The following PA2G4 variants were observed in gnomAD, a reference collection of about 807,000 sequenced individuals.
The protein encoded by PA2G4 is proliferation-associated protein 2G4.
In PA2G4, 8 loss-of-function variants were observed where a neutral mutation model predicts 53.3. The observed-to-expected ratio is 0.15, with a 90% CI of 0.09 to 0.27. The LOEUF (loss-of-function observed/expected upper bound fraction) is 0.27, where lower values mean the gene tolerates loss of function less well. Ranked by LOEUF, PA2G4 falls within the 10% of genes least tolerant of loss-of-function variation. The pLI, the probability that PA2G4 is intolerant of heterozygous loss-of-function variation, is 1.00. For synonymous variants in PA2G4, 143 were observed against 169.8 expected, an observed-to-expected ratio of 0.84 and a Z score of 1.23; for missense variants, 208 against 486.8, an observed-to-expected ratio of 0.43 and a Z score of 5.39.
At position 56,109,892 on chromosome 12, in the gene PA2G4, G is replaced by A. The variant is rs1367589959; in HGVS notation, c.586G>A (p.Asp196Asn). Residue 196 changes from aspartate to asparagine, a missense_variant, in exon 7 of 13, where the codon GAT (aspartate) becomes AAT (asparagine). Asp to Asn is a conservative substitution (Grantham distance 23, BLOSUM62 1). Around this residue, in one of 3 missense-constraint regions of PA2G4, gnomAD observed 143 missense variants for 386.8 expected, o/e 0.37. Transcript: ENST00000303305. Reference sequence around the variant, plus strand: ...ACACCAGTTGAAGCAGCATGTCATCGATGGAGAAAAAACCATTATCCAGAA... The same window carrying A: ...ACACCAGTTGAAGCAGCATGTCATCAATGGAGAAAAAACCATTATCCAGAA... ...LSHQLKQHVI[D>N]GEKTIIQNPT... 1.9e-6 allele frequency: 3 copies of A among 1,613,792 alleles called. No individual in the cohort carries two copies. Among genetic ancestry groups the A allele is most frequent in the East Asian group, 2.2e-5 (1 of 44,898 alleles).
chr12:56,109,834 C>T (rs1869382148), intron 6 of PA2G4, 23 bp from the exon 7 acceptor site: 2 of 1,580,822 alleles, frequency 1.3e-6, no homozygotes, highest in South Asian at 2.2e-5. Flanking sequence ...TAGCTTGTTC[C>T]ATAGGTTGTG....
chr12:56,110,956 C>T lies in PA2G4; in HGVS notation c.843-8C>T. 6.2e-7 allele frequency: 1 copy of T among 1,611,104 alleles called. No homozygotes were observed. ...AAAGATACCTCTGAATATCATCTTC[C>T]CTGCCAGAGCATTTGAAGATGAGAA... On this transcript the variant is annotated splice_region_variant and splice_polypyrimidine_tract_variant and intron_variant, in intron 9 of 12. Transcript: ENST00000303305.
At chr12:56,111,939 A>G (rs1321894830) in intron 12 of PA2G4, among the ~76,000 whole-genome samples, 1 of 151,492 alleles carries the variant, frequency 6.6e-6, no homozygotes, top group Non-Finnish European at 1.5e-5. Flanking sequence ...ACAGAGAGAA[A>G]CCCCGTCTCT....
In PA2G4 at chr12:56,110,951, T is replaced by C. The variant is rs1222342813; in HGVS notation, c.843-13T>C. On this transcript the variant is annotated splice_polypyrimidine_tract_variant and intron_variant, in intron 9 of 12. Transcript: ENST00000303305. ...GAGTTAAAGATACCTCTGAATATCA[T>C]CTTCCCTGCCAGAGCATTTGAAGAT... The C allele has an allele frequency of 5.6e-6, 9 of 1,610,922 alleles. No homozygotes were observed. The Admixed American group carries it at 6.7e-5, about 12-fold the overall frequency.
intron 6 of PA2G4, 104 bp from the exon 7 acceptor site, chr12:56,109,753 G>A: frequency 1.3e-6 from 1 of 772,228 alleles, no homozygotes; most frequent in South Asian, 1.5e-5. Context: ...CCATAACCAG[G>A]TAGTTGTCTC....
At position 56,104,745 on chromosome 12, in the gene PA2G4, G is replaced by T. The variant is rs747250149; in HGVS notation, c.8G>T (p.Gly3Val). 1 of 1,613,874 alleles carries T rather than the reference G, an allele frequency of 6.2e-7. No individual in the cohort carries two copies. The highest frequency in any genetic ancestry group is 8.5e-7 in the Non-Finnish European group (1 of 1,179,962). Residue 3 changes from glycine (G) to valine (V), a missense_variant, in exon 1 of 13, where the codon GGC becomes GTC. Gly to Val is a moderately radical substitution (Grantham distance 109). Around this residue, in one of 3 missense-constraint regions of PA2G4, gnomAD observed 15 missense variants for 17.6 expected, o/e 0.85. Transcript: ENST00000303305. MS[G>V]EDEQQEQTIA... ...AGTGGTGGTAGTAGGAAGATGTCGG[G>T]CGAGGACGAGCAACAGGAGCAAACT...
At chr12:56,110,812 C>CT in intron 9 of PA2G4, 120 bp downstream of exon 9, 5 of 1,332,146 alleles carry the variant, frequency 3.8e-6, no homozygotes, top group Non-Finnish European at 5.3e-6. Context: ...CCCTCCCTCT[C>CT]TCTCCCCATC....
intron 3 of PA2G4, 28 bp from the exon 4 acceptor site, chr12:56,107,159 A>T: frequency 6.2e-7 from 1 of 1,606,396 alleles, no homozygotes; most frequent in Non-Finnish European, 8.5e-7. Flanking sequence ...GCCAGTTCCT[A>T]ATGCAGTACT....
At chr12:56,109,448 C>G (rs755797556) in intron 6 of PA2G4, among the ~76,000 whole-genome samples, 155 bp downstream of exon 6, 1 of 151,504 alleles carries the variant, frequency 6.6e-6, no homozygotes, top group Non-Finnish European at 1.5e-5. Context: ...GGTGAAACCC[C>G]GTCTCTACTA....
At chr12:56,104,929 A>AG in intron 1 of PA2G4, 104 bp downstream of exon 1, 1 of 1,046,460 alleles carries the variant, frequency 9.6e-7, no homozygotes, top group Non-Finnish European at 1.5e-6. Flanking sequence ...TGAGCTACTG[A>AG]GGGGCCCGCA....
intron 1 of PA2G4, among the ~76,000 whole-genome samples, chr12:56,105,346 C>T (rs1402771054): frequency 6.6e-6 from 1 of 152,158 alleles, no homozygotes; most frequent in Non-Finnish European, 1.5e-5. Flanking sequence ...CCACCAGCTT[C>T]CCCACCACGT....
Position 56,104,575 on chromosome 12 carries a change from G to A in PA2G4, c.-163G>A. 1.3e-6 allele frequency: 1 copy of A among 777,076 alleles called. No individual in the cohort carries two copies. The highest frequency in any genetic ancestry group is 2.3e-6 in the Non-Finnish European group (1 of 428,298). The allele number at this position is 777,076 out of a possible 1,614,324, so 48.1% of individuals were successfully genotyped here. A position where few individuals can be genotyped will look rare whatever the true frequency, so the allele number is the denominator to read the frequency against. ...CTGCGCCTCAGCCCGCGCGCTCGCA[G>A]CTTCTCGCTCTCGCCTGCCTGCCCG... On this transcript the variant is annotated 5_prime_UTR_variant, in exon 1 of 13. Transcript: ENST00000303305.
intron 4 of PA2G4, 80 bp from the exon 5 acceptor site, chr12:56,107,441 G>A (rs1305984437): frequency 6.3e-6 from 7 of 1,109,938 alleles, no homozygotes; most frequent in Non-Finnish European, 8.3e-6. Flanking sequence ...TTCGCATATG[G>A]GCTCACAGAT....
rs1487878096 is a variant in PA2G4 at position 56,113,307 on chromosome 12, CTGTT to C, written c.*422_*425del. 1 of 165,442 alleles carries C rather than the reference CTGTT, an allele frequency of 6.0e-6. No individual in the cohort carries two copies. The highest frequency in any genetic ancestry group is 2.4e-5 in the African/African-American group (1 of 41,786). The allele number at this position is 165,442 out of a possible 1,614,324, so 10.2% of individuals were successfully genotyped here. ...ACTCTGATGTCAGCATTTTTTCCATCTGTTTGGGGCTTTTTCCTCTTTTTTCCAT... is the reference window on the plus strand; with the variant it reads ...ACTCTGATGTCAGCATTTTTTCCATCTGGGGCTTTTTCCTCTTTTTTCCAT... On this transcript the variant is annotated 3_prime_UTR_variant, in exon 13 of 13. Transcript: ENST00000303305.
intron 9 of PA2G4, 103 bp downstream of exon 9, chr12:56,110,795 G>A: frequency 1.4e-6 from 2 of 1,425,702 alleles, no homozygotes; most frequent in South Asian, 2.4e-5. Flanking sequence ...GCGTGCATGT[G>A]CTCACTCCCT....
At position 56,104,770 on chromosome 12, in the gene PA2G4, T is replaced by C; in HGVS notation, c.33T>C (p.Thr11=). The change falls in exon 1 of 13, where the codon ACT becomes ACC. Residue 11 remains threonine, a synonymous_variant. Transcript: ENST00000303305. MSGEDEQQEQ[T]IAEDLVVTKY... ...GCGAGGACGAGCAACAGGAGCAAAC[T>C]ATCGCTGAGGACCTGGTCGTGACCA... 1 of 1,613,830 alleles carries C rather than the reference T, an allele frequency of 6.2e-7. No homozygotes were observed. Among genetic ancestry groups the C allele is most frequent in the Non-Finnish European group, 8.5e-7 (1 of 1,179,994 alleles).
Position 56,104,743 on chromosome 12 carries a change from G to A in PA2G4, c.6G>A (p.Ser2=), listed in dbSNP as rs1869253593. The A allele has an allele frequency of 6.2e-7, 1 of 1,613,838 alleles. No homozygotes were observed. Among genetic ancestry groups the A allele is most frequent in the Non-Finnish European group, 8.5e-7 (1 of 1,179,916 alleles). ...GCAGTGGTGGTAGTAGGAAGATGTC[G>A]GGCGAGGACGAGCAACAGGAGCAAA... The part of the protein sequence containing the change: M[S]GEDEQQEQTI... The change falls in exon 1 of 13, where the codon TCG becomes TCA. Residue 2 remains serine, a synonymous_variant. Coordinates refer to ENST00000303305, the MANE Select transcript of PA2G4 (RefSeq NM_006191.3).
Position 56,109,301 on chromosome 12 carries a change from C to G in PA2G4, c.550+8C>G, listed in dbSNP as rs746071232. Reference sequence around the variant, plus strand: ...ACTGCACGCCAATAGAAGGTGAGAACAGATAACAGGGTTGAGGGTCTAAGA... The same window carrying G: ...ACTGCACGCCAATAGAAGGTGAGAAGAGATAACAGGGTTGAGGGTCTAAGA... On this transcript the variant is annotated splice_region_variant and intron_variant, in intron 6 of 12. Transcript: ENST00000303305. 6.2e-7 allele frequency: 1 copy of G among 1,604,478 alleles called. No homozygotes were observed. The highest frequency in any genetic ancestry group is 1.7e-5 in the Admixed American group (1 of 59,882).
chr12:56,111,103 A>G (rs1273620861), intron 10 of PA2G4, 45 bp downstream of exon 10: 3 of 1,612,552 alleles, frequency 1.9e-6, no homozygotes, highest in South Asian at 2.2e-5. Flanking sequence ...TGATTATAAG[A>G]TATCCTTCCT....
Sources: gnomAD v4.1 joint callset for allele counts (sites outside exome capture counted in the v4.1 genomes callset) on GRCh38, gnomAD v4.1.1 for gene constraint, gnomAD v4.1.1 regional missense constraint, MANE v1.5 for transcripts, NCBI Gene and HGNC (gene_info 2026-07-23, HGNC 2026-07-21) for gene names.